The following CTNNA2 variants were observed in gnomAD, a reference collection of about 807,000 sequenced individuals.
CTNNA2 encodes catenin alpha 2.
CTNNA2 carries 42 observed loss-of-function variants against 101.0 expected under a neutral mutation model. The ratio of observed to expected loss-of-function variants is 0.42; its 90% CI spans 0.32 to 0.54. The LOEUF (loss-of-function observed/expected upper bound fraction) is 0.54, where lower values mean the gene tolerates loss of function less well. Ranked by LOEUF, CTNNA2 falls within the 20% of genes least tolerant of loss-of-function variation. The pLI is 0.14. For missense variants in CTNNA2, 871 were observed against 1,223.1 expected, an observed-to-expected ratio of 0.71 and a Z score of 4.29; for synonymous variants, 450 against 456.4, an observed-to-expected ratio of 0.99 and a Z score of 0.18.
At chr2:80,539,112 C>G (rs969640447) in intron 9 of CTNNA2, among the ~76,000 whole-genome samples, 45 of 152,172 alleles carry the variant, frequency 3.0e-4, no homozygotes, top group African/African-American at 1.0e-3. Context: ...TCCACCTCCT[C>G]AGTTCAAGCA....
intron 7 of CTNNA2, among the ~76,000 whole-genome samples, chr2:80,000,506 C>A (rs1026016050): frequency 6.6e-6 from 1 of 152,142 alleles, no homozygotes; most frequent in Non-Finnish European, 1.5e-5. Context: ...TTAAAAAACT[C>A]TTTCTCTGCA....
intron 2 of CTNNA2, among the ~76,000 whole-genome samples, chr2:79,659,008 A>G (rs1254187958): frequency 6.6e-6 from 1 of 152,084 alleles, no homozygotes; most frequent in Non-Finnish European, 1.5e-5. Flanking sequence ...TTAAAAAGTA[A>G]TCAATTTTCT....
intron 7 of CTNNA2, among the ~76,000 whole-genome samples, chr2:80,350,617 T>C (rs1222658730): frequency 6.6e-6 from 1 of 152,180 alleles, no homozygotes; most frequent in Non-Finnish European, 1.5e-5. Flanking sequence ...TACCTTGTAG[T>C]AATTTATAAT....
At chr2:79,860,007 A>C (rs564638320) in intron 4 of CTNNA2, among the ~76,000 whole-genome samples, 14 of 152,256 alleles carry the variant, frequency 9.2e-5, no homozygotes, top group Admixed American at 4.6e-4. Flanking sequence ...GCAGCTGAAT[A>C]GGGAGTGTAA....
intron 7 of CTNNA2, among the ~76,000 whole-genome samples, chr2:80,114,981 G>C (rs1256681585): frequency 6.6e-6 from 1 of 152,168 alleles, no homozygotes; most frequent in Non-Finnish European, 1.5e-5. Flanking sequence ...ATTATCAGAA[G>C]CTATGTTTAC....
At chr2:80,590,406 CAGATAT>C (rs1479238491) in intron 15 of CTNNA2, among the ~76,000 whole-genome samples, 1 of 151,698 alleles carries the variant, frequency 6.6e-6, no homozygotes, top group African/African-American at 2.4e-5. Flanking sequence ...TGCTGTTATA[CAGATAT>C]AAACTATGGT....
intron 9 of CTNNA2, among the ~76,000 whole-genome samples, chr2:80,528,475 C>G (rs149752934): frequency 5.3e-5 from 8 of 152,058 alleles, no homozygotes; most frequent in African/African-American, 1.7e-4. Flanking sequence ...GGATTACAGG[C>G]GTGAGCCACC....
chr2:79,672,977 G>A (rs1682947238), intron 2 of CTNNA2, among the ~76,000 whole-genome samples: 1 of 151,792 alleles, frequency 6.6e-6, no homozygotes, highest in Non-Finnish European at 1.5e-5. Context: ...CAAAGTGCTG[G>A]GATTACAGGT....
intron 7 of CTNNA2, among the ~76,000 whole-genome samples, chr2:80,141,329 T>G (rs969765961): frequency 2.0e-5 from 3 of 151,910 alleles, no homozygotes; most frequent in African/African-American, 7.3e-5. Flanking sequence ...TTTTGAGCCC[T>G]CTTATATTAG....
At chr2:80,405,513 T>G (rs1199621311) in intron 8 of CTNNA2, among the ~76,000 whole-genome samples, 1 of 152,186 alleles carries the variant, frequency 6.6e-6, no homozygotes, top group Admixed American at 6.6e-5. Flanking sequence ...CTATAATAAT[T>G]ATAATAATAG....
intron 2 of CTNNA2, among the ~76,000 whole-genome samples, chr2:79,679,274 T>G (rs1683396397): frequency 6.6e-6 from 1 of 152,146 alleles, no homozygotes; most frequent in Non-Finnish European, 1.5e-5. Context: ...AAGGAATTTG[T>G]TTTTCAGATG....
chr2:80,515,488 T>C (rs1167743790), intron 9 of CTNNA2, among the ~76,000 whole-genome samples: 1 of 152,198 alleles, frequency 6.6e-6, no homozygotes, highest in Admixed American at 6.5e-5. Flanking sequence ...TACCTGGGTC[T>C]TAGATAACTT....
chr2:80,341,183 A>T (rs1389616675), intron 7 of CTNNA2, among the ~76,000 whole-genome samples: 1 of 152,160 alleles, frequency 6.6e-6, no homozygotes, highest in Non-Finnish European at 1.5e-5. Context: ...AGGTTTCATC[A>T]TATAGGCATG....
In CTNNA2 at chr2:80,369,372, T is replaced by C. The variant is rs530207062; in HGVS notation, c.1057-23839T>C. Among the ~76,000 whole-genome samples, 6 of 152,250 alleles carry C rather than the reference T, an allele frequency of 3.9e-5. No individual in the cohort carries two copies. In the South Asian group the frequency reaches 1.2e-3, roughly 32 times the overall value. On this transcript the variant is annotated intron_variant, in intron 7 of 18. Coordinates refer to ENST00000402739, the MANE Select transcript of CTNNA2 (RefSeq NM_001282597.3). The stretch of plus-strand genomic sequence containing the variant: ...AGAAAGTTGGGGAATATACATATTC[T>C]TTGACCTAGTAATCTACTTCTAGGA...
chr2:79,887,899 A>G (rs1419378781), intron 6 of CTNNA2, among the ~76,000 whole-genome samples: 1 of 152,144 alleles, frequency 6.6e-6, no homozygotes, highest in Non-Finnish European at 1.5e-5. Context: ...AACTGGAAAC[A>G]AGCAGGAGCG....
chr2:79,975,832 A>C (rs949693749), intron 7 of CTNNA2, among the ~76,000 whole-genome samples: 7 of 152,188 alleles, frequency 4.6e-5, no homozygotes, highest in Non-Finnish European at 1.0e-4. Flanking sequence ...CACAAGTTCA[A>C]ATTATCTGGA....
At chr2:79,956,819 T>C (rs1689251249) in intron 7 of CTNNA2, among the ~76,000 whole-genome samples, 2 of 146,336 alleles carry the variant, frequency 1.4e-5, no homozygotes, top group African/African-American at 5.1e-5. Context: ...TTGAGTAGTT[T>C]TCATTTACTA....
chr2:79,784,993 T>C (rs912005188), intron 3 of CTNNA2, among the ~76,000 whole-genome samples: 2 of 152,176 alleles, frequency 1.3e-5, no homozygotes, highest in South Asian at 2.1e-4. Context: ...ATTGATGATA[T>C]GTGTACTTTT....
chr2:80,566,590 T>A (rs768838276), intron 12 of CTNNA2, among the ~76,000 whole-genome samples: 7 of 152,158 alleles, frequency 4.6e-5, no homozygotes, highest in Non-Finnish European at 7.3e-5. Context: ...CCTTGTGCAG[T>A]GGCATTTAGA....
Sources: allele counts gnomAD v4.1 joint callset (sites outside exome capture counted in the v4.1 genomes callset), GRCh38; gene constraint gnomAD v4.1.1; transcripts MANE v1.5; gene names NCBI Gene and HGNC (gene_info 2026-07-23, HGNC 2026-07-21).